FILIP1L: variants seen among roughly 807,000 people sequenced by gnomAD.
The protein encoded by FILIP1L is filamin A-interacting protein 1-like.
In FILIP1L, 55 loss-of-function variants were observed where a neutral mutation model predicts 96.6. The ratio of observed to expected loss-of-function variants is 0.57; its 90% CI spans 0.46 to 0.71. FILIP1L has a LOEUF of 0.71. Among genes scored for constraint, FILIP1L ranks in the 30% least tolerant of loss-of-function variants. FILIP1L has a pLI of 0.00. For synonymous variants in FILIP1L, 467 were observed against 473.9 expected (o/e 0.99, Z 0.19); for missense variants, 1,304 against 1,321.2 (o/e 0.99, Z 0.20).
At chr3:99,961,886 A>G (rs1165647818) in intron 1 of FILIP1L, among the ~76,000 whole-genome samples, 2 of 125,138 alleles carry the variant, frequency 1.6e-5, no homozygotes, top group African/African-American at 6.8e-5. Context: ...CATTAGACAC[A>G]GCTAGAAACT....
chr3:100,087,609 T>G (rs2066032964), intron 1 of FILIP1L, among the ~76,000 whole-genome samples: 1 of 152,128 alleles, frequency 6.6e-6, no homozygotes, highest in African/African-American at 2.4e-5. Flanking sequence ...TGAGATTTAT[T>G]TATATATTCT....
chr3:99,893,673 T>C (rs1008871094), intron 4 of FILIP1L, among the ~76,000 whole-genome samples: 3 of 152,232 alleles, frequency 2.0e-5, no homozygotes, highest in Non-Finnish European at 4.4e-5. Context: ...AAGTTAGCTA[T>C]TTTAAAGTAA....
chr3:99,850,893 T>C lies in FILIP1L; in HGVS notation c.783A>G (p.Gln261=), dbSNP rs1943658311. Residue 261 remains glutamine, a synonymous_variant, in exon 5 of 6, where the codon CAA becomes CAG. Coordinates refer to ENST00000477258, the MANE Select transcript of FILIP1L (RefSeq NM_001387850.1). The part of the protein sequence containing the change: ...AQLTLQRQKI[Q]ELTTNAKETH... ...TTTCCTTTGCATTTGTGGTCAGCTC[T>C]TGGATTTTCTGTCTTTGAAGGGTGA... The C allele has an allele frequency of 6.2e-7, 1 of 1,614,096 alleles. No homozygotes were observed. Among genetic ancestry groups the C allele is most frequent in the Non-Finnish European group, 8.5e-7 (1 of 1,180,042 alleles).
chr3:100,062,655 A>G (rs1323875271), intron 1 of FILIP1L, among the ~76,000 whole-genome samples: 1 of 152,234 alleles, frequency 6.6e-6, no homozygotes, highest in Non-Finnish European at 1.5e-5. Context: ...TCTAAGCTGC[A>G]TACTAATTTC....
intron 1 of FILIP1L, among the ~76,000 whole-genome samples, chr3:100,076,699 G>A (rs904587081): frequency 2.0e-5 from 3 of 152,148 alleles, no homozygotes; most frequent in Admixed American, 2.0e-4. Flanking sequence ...AATATTGTTT[G>A]ACTTCACCTC....
At chr3:100,045,839 A>G (rs1171023000) in intron 1 of FILIP1L, among the ~76,000 whole-genome samples, 1 of 152,184 alleles carries the variant, frequency 6.6e-6, no homozygotes, top group Non-Finnish European at 1.5e-5. Flanking sequence ...GGCATTCCTA[A>G]TGATGATAAT....
chr3:100,081,206 C>A (rs1445494841), intron 1 of FILIP1L, among the ~76,000 whole-genome samples: 1 of 152,126 alleles, frequency 6.6e-6, no homozygotes, highest in African/African-American at 2.4e-5. Flanking sequence ...CCGAAGCCAC[C>A]CAAGAGTCCT....
At chr3:100,087,832 CTTTTTTTTTT>C (rs755041519) in intron 1 of FILIP1L, among the ~76,000 whole-genome samples, 3 of 114,122 alleles carry the variant, frequency 2.6e-5, no homozygotes, top group African/African-American at 9.6e-5. Context: ...ATTGTTTCAA[CTTTTTTTTTT>C]TTTTTTTTTT....
At chr3:99,862,113 G>A (rs544264856) in intron 4 of FILIP1L, among the ~76,000 whole-genome samples, 3 of 152,208 alleles carry the variant, frequency 2.0e-5, no homozygotes, top group African/African-American at 7.2e-5. Flanking sequence ...AAGTATGTAA[G>A]GTAACAAATA....
intron 1 of FILIP1L, among the ~76,000 whole-genome samples, chr3:99,947,473 AC>A (rs1251588101): frequency 2.6e-5 from 4 of 151,982 alleles, no homozygotes; most frequent in African/African-American, 9.7e-5. Context: ...CACCCCCTTC[AC>A]CTTAGTGGCC....
chr3:99,856,094 T>G (rs532978114), intron 4 of FILIP1L, among the ~76,000 whole-genome samples: 1 of 148,996 alleles, frequency 6.7e-6, no homozygotes, highest in East Asian at 1.9e-4. Flanking sequence ...CTGCTGCTGC[T>G]CTTGCTGCTC....
intron 1 of FILIP1L, among the ~76,000 whole-genome samples, chr3:100,068,834 G>A (rs183558012): frequency 1.3e-3 from 201 of 152,232 alleles, no homozygotes; most frequent in African/African-American, 4.6e-3. Flanking sequence ...CACCATGTTG[G>A]CCAGGCTGGT....
At chr3:99,943,793 G>T (rs1707923907) in intron 1 of FILIP1L, among the ~76,000 whole-genome samples, 1 of 152,214 alleles carries the variant, frequency 6.6e-6, no homozygotes. Context: ...AAACAGCATG[G>T]TAGACAGCAG....
At chr3:99,838,112 C>G (rs1036799132) in intron 5 of FILIP1L, among the ~76,000 whole-genome samples, 9 of 152,144 alleles carry the variant, frequency 5.9e-5, no homozygotes, top group African/African-American at 2.2e-4. Context: ...GCATTTGTGC[C>G]CTTTGCTTAT....
At chr3:99,930,519 C>T (rs1576580861) in intron 2 of FILIP1L, among the ~76,000 whole-genome samples, 1 of 152,262 alleles carries the variant, frequency 6.6e-6, no homozygotes, top group Non-Finnish European at 1.5e-5. Context: ...AGCTCCTGAG[C>T]AGCATGGGCA....
At chr3:99,957,693 CTTTTT>C (rs779350496) in intron 1 of FILIP1L, among the ~76,000 whole-genome samples, 29 of 19,904 alleles carry the variant, frequency 1.5e-3, no homozygotes, top group Non-Finnish European at 2.2e-3. Context: ...TTCTTTCTTT[CTTTTT>C]TTTTTTTTTT....
intron 1 of FILIP1L, among the ~76,000 whole-genome samples, chr3:99,950,605 G>A (rs944235335): frequency 6.6e-6 from 1 of 152,170 alleles, no homozygotes; most frequent in African/African-American, 2.4e-5. Flanking sequence ...TTCCCAGCAG[G>A]AAGTGGCCCA....
At chr3:99,935,758 A>G (rs1707645456) in intron 1 of FILIP1L, among the ~76,000 whole-genome samples, 1 of 152,338 alleles carries the variant, frequency 6.6e-6, no homozygotes, top group East Asian at 1.9e-4. Flanking sequence ...TGCAGTTGGC[A>G]GTGAGAAGTA....
intron 1 of FILIP1L, among the ~76,000 whole-genome samples, chr3:99,972,272 A>G (rs1178934029): frequency 6.6e-6 from 1 of 152,206 alleles, no homozygotes; most frequent in East Asian, 1.9e-4. Context: ...GACCCAATAG[A>G]GTACCCTAGT....
Sources: gnomAD v4.1 joint callset for allele counts (sites outside exome capture counted in the v4.1 genomes callset) on GRCh38, gnomAD v4.1.1 for gene constraint, MANE v1.5 for transcripts, NCBI Gene and HGNC (gene_info 2026-07-23, HGNC 2026-07-21) for gene names.